Variants in SMG1 observed in about 807,000 individuals in gnomAD.
The protein encoded by SMG1 is serine/threonine-protein kinase SMG1.
SMG1 carries 22 observed loss-of-function variants against 419.9 expected under a neutral mutation model. The observed-to-expected ratio is 0.05, with a 90% CI of 0.04 to 0.07. The LOEUF (loss-of-function observed/expected upper bound fraction) is 0.07, where lower values mean the gene tolerates loss of function less well. Ranked by LOEUF, SMG1 falls within the 10% of genes least tolerant of loss-of-function variation. The probability of loss-of-function intolerance (pLI) is 1.00; values close to 1 mark genes in which losing one functional copy is unlikely to be tolerated. For synonymous variants in SMG1, 1,538 were observed against 1,553.5 expected (o/e 0.99, Z 0.23); for missense variants, 3,185 against 4,342.0 (o/e 0.73, Z 7.49).
Position 18,838,181 on chromosome 16 carries a change from C to G in SMG1, c.7246G>C (p.Ala2416Pro). 1 of 1,613,140 alleles carries G rather than the reference C, an allele frequency of 6.2e-7. No individual in the cohort carries two copies. Among genetic ancestry groups the G allele is most frequent in the Non-Finnish European group, 8.5e-7 (1 of 1,179,450 alleles). Residue 2416 changes from alanine to proline, a missense_variant, in exon 45 of 63, where the codon GCC becomes CCC. Ala to Pro is a conservative substitution (Grantham distance 27, BLOSUM62 -1). Transcript: ENST00000446231. ...GRETLLTLLE[A>P]FVYDPLVDWT... is the part of the protein sequence containing the mutation. ...TCCACCAGAGGGTCGTACACAAAGG[C>G]CTCCAGCAGCGTCAGCAGGGTCTCT...
At chr16:18,909,072 G>T (rs955172163) in intron 1 of SMG1, among the ~76,000 whole-genome samples, 1 of 151,686 alleles carries the variant, frequency 6.6e-6, no homozygotes, top group African/African-American at 2.4e-5. Flanking sequence ...GCCAGGCACG[G>T]TGGCTCACAC....
intron 58 of SMG1, 26 bp from the exon 59 acceptor site, chr16:18,815,677 GAA>G: frequency 6.3e-7 from 1 of 1,592,098 alleles, no homozygotes. Flanking sequence ...TAATGATTAA[GAA>G]AAATAGTTTT....
intron 55 of SMG1, among the ~76,000 whole-genome samples, chr16:18,827,313 C>A (rs998928705): frequency 6.6e-5 from 10 of 151,640 alleles, no homozygotes; most frequent in Non-Finnish European, 1.5e-4. Context: ...GTAGTCCCAG[C>A]TACTTCAGAG....
intron 13 of SMG1, chr16:18,875,807 T>A: frequency 2.4e-6 from 1 of 410,132 alleles, no homozygotes; most frequent in Non-Finnish European, 4.3e-6. Context: ...TACACAAATT[T>A]GAGCTGTAAG....
chr16:18,842,821 C>A lies in SMG1; in HGVS notation c.6220-367G>T, dbSNP rs183423007. 4.3e-3 allele frequency among the ~76,000 whole-genome samples: 656 copies of A among 152,248 alleles called. 2 individuals are homozygous for A. Among genetic ancestry groups the A allele is most frequent in the Non-Finnish European group, 6.9e-3 (470 of 68,018 alleles). Reference sequence around the variant, plus strand: ...TGCCAGCCTGTGTGAGAGAGGGAGACCCTGTCTCAAAAACAACAACAAAAC... The same window carrying A: ...TGCCAGCCTGTGTGAGAGAGGGAGAACCTGTCTCAAAAACAACAACAAAAC... On this transcript the variant is annotated intron_variant, in intron 39 of 62. Transcript: ENST00000446231.
chr16:18,817,507 G>A (rs972101984), intron 56 of SMG1, 37 bp from the exon 57 acceptor site: 4 of 1,483,224 alleles, frequency 2.7e-6, no homozygotes, highest in Non-Finnish European at 9.1e-7. Flanking sequence ...GAGGAGATGG[G>A]AGGAAGGTGG....
intron 11 of SMG1, 134 bp downstream of exon 11, chr16:18,879,361 T>C: frequency 1.5e-6 from 1 of 672,210 alleles, no homozygotes; most frequent in Non-Finnish European, 2.6e-6. Flanking sequence ...GCAATCCTTC[T>C]GCTTTGGCCT....
chr16:18,854,328 T>C (rs2034778518), intron 30 of SMG1, among the ~76,000 whole-genome samples: 1 of 151,908 alleles, frequency 6.6e-6, no homozygotes, highest in Non-Finnish European at 1.5e-5. Context: ...GCTCAAACAA[T>C]CCTCCCATCT....
At position 18,863,583 on chromosome 16, in the gene SMG1, T is replaced by A. The variant is rs1249809887; in HGVS notation, c.3695+67A>T. 6 of 1,387,262 alleles carry A rather than the reference T, an allele frequency of 4.3e-6. No homozygotes were observed. In the Admixed American group the frequency reaches 1.0e-4, roughly 23 times the overall value. The allele number at this position is 1,387,262 out of a possible 1,614,324, so 85.9% of individuals were successfully genotyped here. On this transcript the variant is annotated intron_variant, in intron 25 of 62. Coordinates refer to ENST00000446231, the MANE Select transcript of SMG1 (RefSeq NM_015092.5). ...CTACATATGACCAATTTTAATATTTTCTTGCCATAGGAAAAACATCATAGT... is the reference window on the plus strand; with the variant it reads ...CTACATATGACCAATTTTAATATTTACTTGCCATAGGAAAAACATCATAGT...
In SMG1 at chr16:18,870,790, T is replaced by C. The variant is rs778999318; in HGVS notation, c.2390+11A>G. 17 of 1,554,964 alleles carry C rather than the reference T, an allele frequency of 1.1e-5. No homozygotes were observed. In the South Asian group the frequency reaches 1.8e-4, roughly 16 times the overall value. ...GGGTTAATGTCAAAAGACATGATCT[T>C]AATTTCATACCTCTGTAAAAGATCA... On this transcript the variant is annotated intron_variant, in intron 17 of 62. Coordinates refer to ENST00000446231, the MANE Select transcript of SMG1 (RefSeq NM_015092.5).
intron 1 of SMG1, among the ~76,000 whole-genome samples, chr16:18,903,235 A>T (rs947175564): frequency 3.3e-5 from 5 of 152,168 alleles, no homozygotes; most frequent in African/African-American, 1.2e-4. Context: ...TCAGACCTCC[A>T]ATCAAATTAG....
At chr16:18,882,647 A>G (rs924839547) in intron 9 of SMG1, among the ~76,000 whole-genome samples, 1 of 152,202 alleles carries the variant, frequency 6.6e-6, no homozygotes, top group African/African-American at 2.4e-5. Context: ...GTATAAATGA[A>G]GACGGAAGCT....
At position 18,863,638 on chromosome 16, in the gene SMG1, A is replaced by G; in HGVS notation, c.3695+12T>C. ...GGAAATTTGTTTTATAACTGGAAAAAGTAAGCCTTACTTTATATAGTTGAA... is the reference window on the plus strand; with the variant it reads ...GGAAATTTGTTTTATAACTGGAAAAGGTAAGCCTTACTTTATATAGTTGAA... On this transcript the variant is annotated intron_variant, in intron 25 of 62. Coordinates refer to ENST00000446231, the MANE Select transcript of SMG1 (RefSeq NM_015092.5). 6.3e-7 allele frequency: 1 copy of G among 1,593,402 alleles called. No individual in the cohort carries two copies.
intron 1 of SMG1, among the ~76,000 whole-genome samples, chr16:18,913,090 T>C (rs925381935): frequency 4.6e-5 from 7 of 152,110 alleles, no homozygotes; most frequent in South Asian, 2.1e-4. Context: ...ACAAAGAGGA[T>C]AGTCAAAAAG....
rs545133702 is a variant in SMG1 at position 18,863,637 on chromosome 16, A to G, written c.3695+13T>C. On this transcript the variant is annotated intron_variant, in intron 25 of 62. Transcript: ENST00000446231. ...TGGAAATTTGTTTTATAACTGGAAA[A>G]AGTAAGCCTTACTTTATATAGTTGA... 1 of 1,593,172 alleles carries G rather than the reference A, an allele frequency of 6.3e-7. No homozygotes were observed. Among genetic ancestry groups the G allele is most frequent in the Non-Finnish European group, 8.5e-7 (1 of 1,176,886 alleles).
At chr16:18,819,119 C>T (rs2032287341) in intron 56 of SMG1, among the ~76,000 whole-genome samples, 1 of 152,308 alleles carries the variant, frequency 6.6e-6, no homozygotes, top group Admixed American at 6.5e-5. Flanking sequence ...GCCTGGCCAA[C>T]AGGGCACAAG....
At chr16:18,836,920 GT>G in intron 46 of SMG1, among the ~76,000 whole-genome samples, 1 of 152,294 alleles carries the variant, frequency 6.6e-6, no homozygotes, top group Non-Finnish European at 1.5e-5. Flanking sequence ...GGTAGATGAA[GT>G]AGCTGCCATT....
At chr16:18,881,595 C>G (rs1240143948) in intron 10 of SMG1, among the ~76,000 whole-genome samples, 1 of 152,128 alleles carries the variant, frequency 6.6e-6, no homozygotes, top group Non-Finnish European at 1.5e-5. Flanking sequence ...AGTACAATGC[C>G]TGGGGTTCAT....
intron 1 of SMG1, among the ~76,000 whole-genome samples, chr16:18,918,798 C>G (rs1297892729): frequency 6.6e-6 from 1 of 152,038 alleles, no homozygotes; most frequent in Non-Finnish European, 1.5e-5. Context: ...GGGCAGATCA[C>G]CTGAGGTCAG....
Sources: gnomAD v4.1 joint callset for allele counts (sites outside exome capture counted in the v4.1 genomes callset) on GRCh38, gnomAD v4.1.1 for gene constraint, MANE v1.5 for transcripts, NCBI Gene and HGNC (gene_info 2026-07-23, HGNC 2026-07-21) for gene names.